The following NEB variants were observed in gnomAD, a reference collection of about 807,000 sequenced individuals.
NEB encodes the protein nemaline myopathy type 2.
Under a neutral mutation model 952.2 loss-of-function variants are expected in NEB, and 512 were observed. The ratio of observed to expected loss-of-function variants is 0.54; its 90% CI spans 0.50 to 0.58. NEB has a LOEUF of 0.58. Ranked by LOEUF, NEB falls within the 20% of genes least tolerant of loss-of-function variation. The pLI is 0.00. For synonymous variants in NEB, 2,900 were observed against 3,149.8 expected (o/e 0.92, Z 2.66); for missense variants, 8,428 against 9,231.1 (o/e 0.91, Z 3.56).
chr2:151,635,814 G>A (rs996842780), intron 64 of NEB, among the ~76,000 whole-genome samples: 34 of 151,918 alleles, frequency 2.2e-4, no homozygotes, highest in African/African-American at 8.2e-4. Flanking sequence ...AGCACCGCAT[G>A]TGTTTTAAAA....
At chr2:151,729,530 T>C (rs999292437) in intron 4 of NEB, 85 bp downstream of exon 4, 9 of 1,471,180 alleles carry the variant, frequency 6.1e-6, no homozygotes, top group African/African-American at 5.6e-5. Flanking sequence ...TTTGCCATCT[T>C]TGTGGCCCTG....
At chr2:151,659,270 T>G in intron 46 of NEB, 101 bp from the exon 47 acceptor site, 1 of 647,500 alleles carries the variant, frequency 1.5e-6, no homozygotes, top group Non-Finnish European at 2.6e-6. Context: ...CATGTATTTT[T>G]ATTAGCTAGG....
At chr2:151,642,182 A>C (rs1350166909) in intron 60 of NEB, among the ~76,000 whole-genome samples, 1 of 152,238 alleles carries the variant, frequency 6.6e-6, no homozygotes, top group Non-Finnish European at 1.5e-5. Flanking sequence ...AACTTTGAGT[A>C]ATGTGTCCTA....
chr2:151,693,080 G>A (rs1038910138), intron 20 of NEB, among the ~76,000 whole-genome samples: 4 of 152,190 alleles, frequency 2.6e-5, no homozygotes, highest in African/African-American at 9.6e-5. Flanking sequence ...GTATTCTGTT[G>A]AGCACTTGGT....
At chr2:151,592,303 TTAAG>T (rs1258704176) in intron 94 of NEB, among the ~76,000 whole-genome samples, 165 bp from the exon 95 acceptor site, 2 of 150,572 alleles carry the variant, frequency 1.3e-5, no homozygotes, top group African/African-American at 4.9e-5. Context: ...ATTAAAATTT[TTAAG>T]TAAGATTAAT....
chr2:151,644,257 G>C (rs774385958), intron 56 of NEB, 128 bp from the exon 57 acceptor site: 80 of 1,333,608 alleles, frequency 6.0e-5, no homozygotes, highest in Non-Finnish European at 7.9e-5. Flanking sequence ...TCAGTCTTTT[G>C]ATAAGAAAGA....
Position 151,697,129 on chromosome 2 carries a change from GTTCAGAC to G in NEB, c.1470+12_1470+18del. 1 of 1,581,238 alleles carries G rather than the reference GTTCAGAC, an allele frequency of 6.3e-7. No homozygotes were observed. The highest frequency in any genetic ancestry group is 8.7e-7 in the Non-Finnish European group (1 of 1,154,324). ...GCTATGGAAGGCAGTCACATTCAAA[GTTCAGAC>G]TACAGACTTACGTCTTTACACTGAT... On this transcript the variant is annotated intron_variant, in intron 16 of 181. Transcript: ENST00000397345.
At chr2:151,610,913 A>AG (rs1174558042) in intron 78 of NEB, 47 bp from the exon 79 acceptor site, 1 of 1,224,570 alleles carries the variant, frequency 8.2e-7, no homozygotes, top group Non-Finnish European at 1.1e-6. Flanking sequence ...AGGGAGTATA[A>AG]GACCTTCTGT....
intron 68 of NEB, among the ~76,000 whole-genome samples, chr2:151,629,300 T>C (rs905880621): frequency 1.8e-4 from 27 of 152,162 alleles, no homozygotes; most frequent in African/African-American, 6.5e-4. Flanking sequence ...CACATCCAAT[T>C]TTATACTGCA....
chr2:151,540,828 C>A, intron 136 of NEB, 27 bp from the exon 137 acceptor site: 2 of 1,550,070 alleles, frequency 1.3e-6, no homozygotes, highest in South Asian at 2.2e-5. Context: ...AGTGAGGTGT[C>A]ATAGAGATAA....
chr2:151,651,791 T>C (rs2099032720), intron 52 of NEB, among the ~76,000 whole-genome samples: 2 of 152,184 alleles, frequency 1.3e-5, no homozygotes, highest in Non-Finnish European at 1.5e-5. Flanking sequence ...ATTACATATA[T>C]AAAATATTCA....
Position 151,568,419 on chromosome 2 carries a change from TAAAA to T in NEB, c.17635-6_17635-3del. On this transcript the variant is annotated splice_region_variant and splice_polypyrimidine_tract_variant and intron_variant, in intron 111 of 181. Transcript: ENST00000397345. ...ATTCCAGTCTTTCCGGTATTTAATC[TAAAA>T]AAAAAAAAATGAGAGGCAAGGGGGC... is the stretch of plus-strand genomic sequence containing the variant. 6.8e-7 allele frequency: 1 copy of T among 1,478,632 alleles called. No individual in the cohort carries two copies. The highest frequency in any genetic ancestry group is 9.3e-7 in the Non-Finnish European group (1 of 1,072,674). The allele number at this position is 1,478,632 out of a possible 1,614,324, so 91.6% of individuals were successfully genotyped here.
At chr2:151,526,806 G>T in intron 148 of NEB, 112 bp downstream of exon 148, 1 of 806,096 alleles carries the variant, frequency 1.2e-6, no homozygotes. Flanking sequence ...ACCCATACCT[G>T]AGCCCTGATG....
chr2:151,565,503 C>A lies in NEB; in HGVS notation c.18364G>T (p.Asp6122Tyr). ...CAGCATGCACAAAGCAAACTTACAT[C>A]ACTTTGATTGACAGAATTAATCTTG... ...LAKINSVNQSDVKYKETFNKA... is the reference protein window; with the variant it reads ...LAKINSVNQSYVKYKETFNKA... The change falls in exon 116 of 182, where the codon GAT (aspartate) becomes TAT (tyrosine). Residue 6122 changes from aspartate to tyrosine, a missense_variant and splice_region_variant. Transcript: ENST00000397345. 6.4e-7 allele frequency: 1 copy of A among 1,573,464 alleles called. No homozygotes were observed. The highest frequency in any genetic ancestry group is 1.1e-5 in the South Asian group (1 of 88,698).
intron 131 of NEB, among the ~76,000 whole-genome samples, chr2:151,548,021 A>G (rs997005152): frequency 6.6e-6 from 1 of 152,178 alleles, no homozygotes; most frequent in Non-Finnish European, 1.5e-5. Context: ...TCAGACTAAA[A>G]TGCAACCTTA....
chr2:151,494,635 T>G (rs2058885519), intron 173 of NEB, among the ~76,000 whole-genome samples: 2 of 151,896 alleles, frequency 1.3e-5, no homozygotes. Context: ...AGCTGTTTGT[T>G]TTTTTTTGTT....
chr2:151,533,312 ATATT>A, intron 143 of NEB, 126 bp downstream of exon 143: 1 of 636,740 alleles, frequency 1.6e-6, no homozygotes, highest in Non-Finnish European at 2.7e-6. Context: ...CAAGGAATGA[ATATT>A]TACATAGCTT....
chr2:151,647,336 C>G (rs2098973419), intron 54 of NEB, among the ~76,000 whole-genome samples: 1 of 152,056 alleles, frequency 6.6e-6, no homozygotes, highest in Non-Finnish European at 1.5e-5. Flanking sequence ...TCTCGAACTC[C>G]TGATCGCAGG....
At chr2:151,616,436 C>A (rs2098197947) in intron 75 of NEB, among the ~76,000 whole-genome samples, 1 of 152,184 alleles carries the variant, frequency 6.6e-6, no homozygotes, top group Admixed American at 6.5e-5. Context: ...CGCCTGTAAT[C>A]CCAGCACTTT....
Sources: allele counts gnomAD v4.1 joint callset (sites outside exome capture counted in the v4.1 genomes callset), GRCh38; gene constraint gnomAD v4.1.1; transcripts MANE v1.5; gene names NCBI Gene and HGNC (gene_info 2026-07-23, HGNC 2026-07-21).